The following SRD5A2 variants were observed in gnomAD, a reference collection of about 807,000 sequenced individuals.
The protein encoded by SRD5A2 is 3-oxo-5-alpha-steroid 4-dehydrogenase 2.
In SRD5A2, 30 loss-of-function variants were observed where a neutral mutation model predicts 27.4. The observed-to-expected ratio is 1.10, with a 90% CI of 0.82 to 1.49. The LOEUF is 1.49. SRD5A2 is among the 40% of genes most tolerant of loss of function. The pLI is 0.00. For missense variants in SRD5A2, 348 were observed against 323.4 expected (o/e 1.08, Z -0.58); for synonymous variants, 141 against 133.6 (o/e 1.06, Z -0.38).
In SRD5A2 at chr2:31,544,074, A is replaced by T. The variant is rs551961589; in HGVS notation, c.282-10308T>A. 5.7e-3 allele frequency among the ~76,000 whole-genome samples: 865 copies of T among 152,154 alleles called. 5 individuals carry two copies. Among genetic ancestry groups the T allele is most frequent in the African/African-American group, 0.019 (792 of 41,560 alleles). On this transcript the variant is annotated intron_variant, in intron 1 of 4. Coordinates refer to ENST00000622030, the MANE Select transcript of SRD5A2 (RefSeq NM_000348.4). ...GGCAAAATGGACTTTAAATTTTTTT[A>T]AAAATGGTTACAAGAAACAAAAAAA... is the stretch of plus-strand genomic sequence containing the variant.
chr2:31,662,500 G>GT, the SRD5A2 span, among the ~76,000 whole-genome samples: 3 of 152,002 alleles, frequency 2.0e-5, no homozygotes, highest in Non-Finnish European at 2.9e-5. Flanking sequence ...TAAATTTTTT[G>GT]TAAGAAACAA....
chr2:31,628,380 G>A, the SRD5A2 span, among the ~76,000 whole-genome samples: 2 of 151,994 alleles, frequency 1.3e-5, no homozygotes, highest in African/African-American at 2.4e-5. Context: ...TGTACAATGG[G>A]CCTCTCGAAG....
intron 1 of SRD5A2, among the ~76,000 whole-genome samples, chr2:31,535,722 C>A (rs1666013802): frequency 6.6e-6 from 1 of 152,184 alleles, no homozygotes; most frequent in Non-Finnish European, 1.5e-5. Flanking sequence ...TAAATAATTA[C>A]CTTCTCTGTT....
chr2:31,595,884 G>A, the SRD5A2 span, among the ~76,000 whole-genome samples: 52 of 152,262 alleles, frequency 3.4e-4, no homozygotes, highest in African/African-American at 9.4e-4. Flanking sequence ...TAGCTGGGAC[G>A]CAGGGTTGGC....
At chr2:31,536,238 A>G (rs1415803410) in intron 1 of SRD5A2, among the ~76,000 whole-genome samples, 3 of 152,250 alleles carry the variant, frequency 2.0e-5, no homozygotes, top group Admixed American at 6.5e-5. Context: ...CAGTAGAAGT[A>G]TGTATTAATC....
intron 1 of SRD5A2, among the ~76,000 whole-genome samples, chr2:31,548,191 TTTC>T (rs1666303240): frequency 6.6e-6 from 1 of 152,164 alleles, no homozygotes; most frequent in South Asian, 2.1e-4. Context: ...CTGGCAGTGA[TTTC>T]TTGGATATGC....
chr2:31,601,447 C>T, the SRD5A2 span, among the ~76,000 whole-genome samples: 2 of 151,792 alleles, frequency 1.3e-5, no homozygotes, highest in African/African-American at 2.4e-5. Context: ...CTAAAAAATG[C>T]CCAGGCCAGA....
At chr2:31,541,025 C>G (rs1045870327) in intron 1 of SRD5A2, among the ~76,000 whole-genome samples, 1 of 152,142 alleles carries the variant, frequency 6.6e-6, no homozygotes, top group South Asian at 2.1e-4. Context: ...GGGCTGGCAC[C>G]CTATTTCCAC....
chr2:31,587,330 G>T, the SRD5A2 span, among the ~76,000 whole-genome samples: 1 of 152,198 alleles, frequency 6.6e-6, no homozygotes, highest in East Asian at 1.9e-4. Context: ...TTCAACCATT[G>T]TGGAAGACAG....
the SRD5A2 span, among the ~76,000 whole-genome samples, chr2:31,615,385 G>A: frequency 6.6e-6 from 1 of 152,216 alleles, no homozygotes; most frequent in Admixed American, 6.5e-5. Flanking sequence ...GGCTGAGGCA[G>A]TCTCAGATGG....
the SRD5A2 span, among the ~76,000 whole-genome samples, chr2:31,608,323 A>G: frequency 1.4e-3 from 208 of 152,088 alleles, no homozygotes; most frequent in African/African-American, 4.4e-3. Context: ...GTATATTGAA[A>G]TCTCTAAAGC....
In SRD5A2 at chr2:31,532,290, C is replaced by T. The variant is rs140050328; in HGVS notation, c.446-818G>A. On this transcript the variant is annotated intron_variant, in intron 2 of 4. Transcript: ENST00000622030. ...TGAACGCATTCCTGACTGAAACACC[C>T]ACTCTCATGAAATAACGTGAGCTAG... is the stretch of plus-strand genomic sequence containing the variant. Among the ~76,000 whole-genome samples the T allele has an allele frequency of 1.2e-3, 175 of 152,150 alleles. 1 individual carries two copies. In the East Asian group the frequency reaches 0.021, roughly 19 times the overall value.
chr2:31,622,386 G>C, the SRD5A2 span, among the ~76,000 whole-genome samples: 1 of 152,010 alleles, frequency 6.6e-6, no homozygotes. Flanking sequence ...TGGGCATTTA[G>C]GTTGATTCCA....
At chr2:31,532,988 G>T (rs1391503300) in intron 2 of SRD5A2, among the ~76,000 whole-genome samples, 4 of 152,130 alleles carry the variant, frequency 2.6e-5, no homozygotes, top group African/African-American at 7.2e-5. Context: ...CAGCCTGTGG[G>T]CCACATGCAG....
chr2:31,539,934 C>A (rs1050735282), intron 1 of SRD5A2, among the ~76,000 whole-genome samples: 1 of 152,082 alleles, frequency 6.6e-6, no homozygotes, highest in Non-Finnish European at 1.5e-5. Flanking sequence ...ATACCAAGAA[C>A]CAAGAAGGTC....
intron 3 of SRD5A2, 117 bp from the exon 4 acceptor site, chr2:31,529,574 T>C: frequency 7.3e-7 from 1 of 1,379,270 alleles, no homozygotes; most frequent in Non-Finnish European, 9.8e-7. Flanking sequence ...GGCTGGAGGC[T>C]CCCTCCATAG....
At chr2:31,645,788 T>C in the SRD5A2 span, among the ~76,000 whole-genome samples, 1 of 152,194 alleles carries the variant, frequency 6.6e-6, no homozygotes, top group Non-Finnish European at 1.5e-5. Flanking sequence ...AAATAGATAT[T>C]GAATGAAAGA....
At chr2:31,641,530 T>A in the SRD5A2 span, among the ~76,000 whole-genome samples, 1 of 152,190 alleles carries the variant, frequency 6.6e-6, no homozygotes, top group Non-Finnish European at 1.5e-5. Context: ...CATAAACTTG[T>A]GACCATCCTT....
chr2:31,653,612 T>C, the SRD5A2 span, among the ~76,000 whole-genome samples: 1 of 152,200 alleles, frequency 6.6e-6, no homozygotes, highest in African/African-American at 2.4e-5. Context: ...TTTGTCCTCT[T>C]GCAAGGAGAC....
Sources: allele counts gnomAD v4.1 joint callset (sites outside exome capture counted in the v4.1 genomes callset), GRCh38; gene constraint gnomAD v4.1.1; transcripts MANE v1.5; gene names NCBI Gene and HGNC (gene_info 2026-07-23, HGNC 2026-07-21).